Variants in EPHA6 observed in about 807,000 individuals in gnomAD.
EPHA6 encodes ephrin type-A receptor 6.
Under a neutral mutation model 112.0 loss-of-function variants are expected in EPHA6, and 50 were observed. That is an observed-to-expected ratio of 0.45 (90% CI 0.36 to 0.56). The LOEUF is 0.56. EPHA6 is among the 20% of genes least tolerant of loss of function. The pLI is 0.00. For synonymous variants in EPHA6, 529 were observed against 490.7 expected (o/e 1.08, Z -1.03); for missense variants, 1,280 against 1,417.4 (o/e 0.90, Z 1.56).
rs539480614 is a variant in EPHA6 at position 97,682,039 on chromosome 3, C to G, written c.2785-38222C>G. Among the ~76,000 whole-genome samples the G allele has an allele frequency of 5.9e-5, 9 of 152,158 alleles. No individual in the cohort carries two copies. The South Asian group carries it at 8.3e-4, about 14-fold the overall frequency. On this transcript the variant is annotated intron_variant, in intron 14 of 17. Coordinates refer to ENST00000389672, the MANE Select transcript of EPHA6 (RefSeq NM_001080448.3). ...TATATGCCAAGCTGAAAGTTTATAA[C>G]TGATTAAAGAGATATAAGCAGCATC...
intron 3 of EPHA6, chr3:97,009,913 G>A: frequency 2.2e-6 from 1 of 461,764 alleles, no homozygotes; most frequent in Non-Finnish European, 4.2e-6. Context: ...GGTCATGCTA[G>A]CCTTCTAGTC....
At chr3:97,093,901 T>C (rs568456883) in intron 3 of EPHA6, among the ~76,000 whole-genome samples, 7 of 152,152 alleles carry the variant, frequency 4.6e-5, no homozygotes, top group Admixed American at 3.3e-4. Flanking sequence ...ATCTAGGACC[T>C]CTGTCAGGGA....
Position 97,043,121 on chromosome 3 carries a change from T to C in EPHA6, c.1114+55128T>C, listed in dbSNP as rs140936722. Among the ~76,000 whole-genome samples the C allele has an allele frequency of 7.7e-4, 118 of 152,300 alleles. 1 individual carries two copies. Among genetic ancestry groups the C allele is most frequent in the African/African-American group, 2.7e-3 (112 of 41,568 alleles). On this transcript the variant is annotated intron_variant, in intron 3 of 17. Transcript: ENST00000389672. Reference sequence around the variant, plus strand: ...CCCCCAGGAAAGAAAGTCTGAACTTTAATGCTTTGTTTTTGAAATCCCTAA... The same window carrying C: ...CCCCCAGGAAAGAAAGTCTGAACTTCAATGCTTTGTTTTTGAAATCCCTAA...
At chr3:97,356,029 C>T (rs2084057125) in intron 5 of EPHA6, among the ~76,000 whole-genome samples, 1 of 152,178 alleles carries the variant, frequency 6.6e-6, no homozygotes, top group African/African-American at 2.4e-5. Context: ...AGGTGAGCAG[C>T]AGTTGAGCGA....
chr3:97,681,959 C>A (rs543699264), intron 14 of EPHA6, among the ~76,000 whole-genome samples: 1 of 152,104 alleles, frequency 6.6e-6, no homozygotes, highest in South Asian at 2.1e-4. Flanking sequence ...ATATCTGCTA[C>A]TAGTAACCAG....
At chr3:97,277,005 G>T (rs967860060) in intron 5 of EPHA6, among the ~76,000 whole-genome samples, 6 of 152,132 alleles carry the variant, frequency 3.9e-5, no homozygotes, top group Non-Finnish European at 5.9e-5. Context: ...GGCTGAGGAA[G>T]AATTGGGACC....
intron 10 of EPHA6, among the ~76,000 whole-genome samples, chr3:97,489,871 G>A (rs968315964): frequency 6.6e-6 from 1 of 151,976 alleles, no homozygotes; most frequent in African/African-American, 2.4e-5. Context: ...TACATCTAAG[G>A]AATTAGTAGA....
intron 5 of EPHA6, among the ~76,000 whole-genome samples, chr3:97,294,544 C>T (rs1030548799): frequency 6.6e-6 from 1 of 152,024 alleles, no homozygotes; most frequent in Non-Finnish European, 1.5e-5. Flanking sequence ...TAATTAGTTA[C>T]TTCTGTTATT....
At chr3:97,663,834 C>CT (rs1052352633) in intron 14 of EPHA6, among the ~76,000 whole-genome samples, 24 of 151,956 alleles carry the variant, frequency 1.6e-4, no homozygotes, top group Admixed American at 9.2e-4. Flanking sequence ...ATTTATAATC[C>CT]TTTTGGTATA....
intron 3 of EPHA6, among the ~76,000 whole-genome samples, chr3:97,170,605 T>C (rs2076672634): frequency 6.6e-6 from 1 of 151,972 alleles, no homozygotes; most frequent in African/African-American, 2.4e-5. Flanking sequence ...GGTGTCATGG[T>C]GCATGTCTCT....
Position 97,754,084 on chromosome 3 carries a change from CTTT to C in EPHA6, c.*5402_*5404del, listed in dbSNP as rs10559270. Among the ~76,000 whole-genome samples, 18 of 102,050 alleles carry C rather than the reference CTTT, an allele frequency of 1.8e-4. No individual in the cohort carries two copies. The highest frequency in any genetic ancestry group is 3.9e-4 in the African/African-American group (11 of 28,212). The allele number at this position is 102,050 out of a possible 152,430, so 66.9% of individuals were successfully genotyped here. On this transcript the variant is annotated 3_prime_UTR_variant, in exon 18 of 18. Transcript: ENST00000389672. The stretch of plus-strand genomic sequence containing the variant: ...AATGTATAAAAAATAACATTTATAT[CTTT>C]TTTTTTTTTTTTTTTTTTGAGATGG...
At chr3:97,620,836 A>G (rs935636971) in intron 13 of EPHA6, among the ~76,000 whole-genome samples, 13 of 152,162 alleles carry the variant, frequency 8.5e-5, no homozygotes, top group Middle Eastern at 3.4e-3. Context: ...TAGTTCAATC[A>G]TTGTAACAGA....
chr3:97,433,899 C>G (rs952405722), intron 6 of EPHA6, among the ~76,000 whole-genome samples: 2 of 152,100 alleles, frequency 1.3e-5, no homozygotes, highest in African/African-American at 4.8e-5. Flanking sequence ...CAGATGGTTA[C>G]TACCCCCATG....
intron 9 of EPHA6, chr3:97,481,628 G>T (rs916368526): frequency 1.1e-5 from 5 of 447,942 alleles, no homozygotes; most frequent in Non-Finnish European, 2.1e-5. Context: ...CCCTCCCTAG[G>T]CCCGCCGCTT....
intron 5 of EPHA6, among the ~76,000 whole-genome samples, chr3:97,360,432 G>T (rs2084316219): frequency 6.6e-6 from 1 of 152,112 alleles, no homozygotes; most frequent in African/African-American, 2.4e-5. Flanking sequence ...TTTTATTTCA[G>T]ATTTGATGAA....
Position 97,750,940 on chromosome 3 carries a change from A to G in EPHA6, c.*2239A>G, listed in dbSNP as rs574238324. On this transcript the variant is annotated 3_prime_UTR_variant, in exon 18 of 18. Transcript: ENST00000389672. Reference sequence around the variant, plus strand: ...CAACCTGCATGGTTGTGCATCACTCATAGACTATCTGCAGTTTGCTTGATA... The same window carrying G: ...CAACCTGCATGGTTGTGCATCACTCGTAGACTATCTGCAGTTTGCTTGATA... 2.0e-5 allele frequency among the ~76,000 whole-genome samples: 3 copies of G among 152,306 alleles called. No individual in the cohort carries two copies. Among genetic ancestry groups the G allele is most frequent in the African/African-American group, 7.2e-5 (3 of 41,572 alleles).
chr3:97,567,217 T>C (rs9816218), intron 11 of EPHA6, among the ~76,000 whole-genome samples: 39,430 of 152,012 alleles, frequency 0.26, 7,641 homozygotes, highest in African/African-American at 0.53. Flanking sequence ...TCTGAGTCTA[T>C]TTTCCTCATA....
At chr3:97,036,383 T>C (rs1215945712) in intron 3 of EPHA6, among the ~76,000 whole-genome samples, 2 of 152,054 alleles carry the variant, frequency 1.3e-5, no homozygotes, top group Non-Finnish European at 2.9e-5. Context: ...CCAAATAGTA[T>C]AATAACTATT....
intron 13 of EPHA6, among the ~76,000 whole-genome samples, chr3:97,617,457 G>A (rs1176869315): frequency 6.6e-6 from 1 of 152,094 alleles, no homozygotes; most frequent in East Asian, 1.9e-4. Flanking sequence ...TGGGCTAAGT[G>A]CCTCAATTAA....
Sources: gnomAD v4.1 joint callset for allele counts (sites outside exome capture counted in the v4.1 genomes callset) on GRCh38, gnomAD v4.1.1 for gene constraint, MANE v1.5 for transcripts, NCBI Gene and HGNC (gene_info 2026-07-23, HGNC 2026-07-21) for gene names.